Variants in ZNF566 observed in about 807,000 individuals in gnomAD.
ZNF566 encodes zinc finger protein 566.
In ZNF566, 27 loss-of-function variants were observed where a neutral mutation model predicts 32.8. The ratio of observed to expected loss-of-function variants is 0.82; its 90% CI spans 0.61 to 1.14. The LOEUF is 1.14. Ranked by LOEUF, ZNF566 falls within the 50% of genes most tolerant of loss-of-function variation. The probability of loss-of-function intolerance (pLI) is 0.00; values close to 1 mark genes in which losing one functional copy is unlikely to be tolerated. For missense variants in ZNF566, 402 were observed against 490.4 expected (o/e 0.82, Z 1.70); for synonymous variants, 154 against 159.5 (o/e 0.97, Z 0.26).
At chr19:36,470,932 G>A (rs963392392) in intron 4 of ZNF566, among the ~76,000 whole-genome samples, 6 of 151,302 alleles carry the variant, frequency 4.0e-5, no homozygotes, top group East Asian at 1.9e-4. Flanking sequence ...AAACATGGCC[G>A]GTGTGGTGGC....
At chr19:36,464,847 A>T (rs922738875) in intron 4 of ZNF566, among the ~76,000 whole-genome samples, 3 of 152,226 alleles carry the variant, frequency 2.0e-5, no homozygotes, top group Non-Finnish European at 4.4e-5. Context: ...TAAAGCATAC[A>T]GGAAAAAGAT....
At chr19:36,472,037 C>A (rs1191696928) in intron 4 of ZNF566, among the ~76,000 whole-genome samples, 1 of 152,174 alleles carries the variant, frequency 6.6e-6, no homozygotes. Context: ...AGCCACTGCA[C>A]CCAATCACGC....
intron 4 of ZNF566, among the ~76,000 whole-genome samples, chr19:36,463,660 G>A (rs1261149525): frequency 2.8e-4 from 42 of 148,854 alleles, no homozygotes; most frequent in African/African-American, 6.2e-4. Context: ...CTCATGCCTC[G>A]GACTCCCAAG....
intron 1 of ZNF566, among the ~76,000 whole-genome samples, chr19:36,480,131 G>GA (rs558512822): frequency 1.3e-5 from 2 of 151,552 alleles, no homozygotes; most frequent in Non-Finnish European, 1.5e-5. Context: ...GCTTGGAAAA[G>GA]AAAAAAAGTA....
chr19:36,480,278 A>ATTTTTT (rs972968387), intron 1 of ZNF566, among the ~76,000 whole-genome samples: 5 of 136,952 alleles, frequency 3.7e-5, no homozygotes, highest in Non-Finnish European at 8.2e-5. Flanking sequence ...ACTCCATGCA[A>ATTTTTT]TTTTTTTTTC....
chr19:36,455,229 C>T (rs2033269777), intron 4 of ZNF566, among the ~76,000 whole-genome samples: 1 of 152,070 alleles, frequency 6.6e-6, no homozygotes, highest in Non-Finnish European at 1.5e-5. Flanking sequence ...TAATAAAGGC[C>T]ATATATGACA....
intron 4 of ZNF566, among the ~76,000 whole-genome samples, chr19:36,467,924 G>A (rs1000940792): frequency 2.7e-5 from 4 of 150,672 alleles, no homozygotes; most frequent in African/African-American, 7.4e-5. Context: ...GGTGGCTCAC[G>A]CCTGTAATCC....
At chr19:36,468,545 G>C (rs1180983774) in intron 4 of ZNF566, among the ~76,000 whole-genome samples, 1 of 151,756 alleles carries the variant, frequency 6.6e-6, no homozygotes, top group Non-Finnish European at 1.5e-5. Flanking sequence ...GGCAGAAGTT[G>C]CAGTGAACCC....
At chr19:36,456,078 G>C (rs1228369359) in intron 4 of ZNF566, among the ~76,000 whole-genome samples, 1 of 151,876 alleles carries the variant, frequency 6.6e-6, no homozygotes, top group East Asian at 1.9e-4. Flanking sequence ...TGTGTATTCA[G>C]TAAGATACAA....
Position 36,445,454 on chromosome 19 carries a change from GCACTC to G in ZNF566, c.*3518_*3522del, listed in dbSNP as rs1427024760. 6.6e-6 allele frequency: 1 copy of G among 152,162 alleles called. No individual in the cohort carries two copies. The highest frequency in any genetic ancestry group is 2.4e-5 in the African/African-American group (1 of 41,426). The allele number at this position is 152,162 out of a possible 1,614,324, so 9.4% of individuals were successfully genotyped here. The stretch of plus-strand genomic sequence containing the variant: ...CACAGAATCACATATATGAAAAACT[GCACTC>G]CACTCCTTTATTCTCTTGCCCTCTG... On this transcript the variant is annotated 3_prime_UTR_variant, in exon 5 of 5. Coordinates refer to ENST00000452939, the MANE Select transcript of ZNF566 (RefSeq NM_001145344.1).
At position 36,448,436 on chromosome 19, in the gene ZNF566, A is replaced by C. The variant is rs2033049419; in HGVS notation, c.*541T>G. On this transcript the variant is annotated 3_prime_UTR_variant, in exon 5 of 5. Coordinates refer to ENST00000452939, the MANE Select transcript of ZNF566 (RefSeq NM_001145344.1). ...AATGTCGTTCATGAACATTTTTACA[A>C]TAAGAAAGCCTTAATGTTATAAAGA... The C allele has an allele frequency of 6.6e-6, 1 of 152,212 alleles. No individual in the cohort carries two copies. The highest frequency in any genetic ancestry group is 2.4e-5 in the African/African-American group (1 of 41,460). The allele number at this position is 152,212 out of a possible 1,614,324, so 9.4% of individuals were successfully genotyped here. A position where few individuals can be genotyped will look rare whatever the true frequency, so the allele number is the denominator to read the frequency against.
rs2145628145 is a variant in ZNF566 at position 36,448,861 on chromosome 19, T to C, written c.*116A>G. ...TATTTTTCCCAGGCTGAATAAGCTG[T>C]AGTCCACAAATAAAATGTTTCTACA... On this transcript the variant is annotated 3_prime_UTR_variant, in exon 5 of 5. Coordinates refer to ENST00000452939, the MANE Select transcript of ZNF566 (RefSeq NM_001145344.1). 2 of 863,576 alleles carry C rather than the reference T, an allele frequency of 2.3e-6. No individual in the cohort carries two copies. The highest frequency in any genetic ancestry group is 2.8e-5 in the East Asian group (1 of 36,172). 53.5% of individuals were successfully genotyped at this position (863,576 alleles called of 1,614,324 possible). A position where few individuals can be genotyped will look rare whatever the true frequency, so the allele number is the denominator to read the frequency against.
intron 4 of ZNF566, among the ~76,000 whole-genome samples, chr19:36,454,898 G>A (rs902614286): frequency 6.6e-6 from 1 of 152,104 alleles, no homozygotes; most frequent in African/African-American, 2.4e-5. Context: ...GTATTACCCT[G>A]ATACCAAAAC....
At chr19:36,477,687 C>G (rs1269406122) in intron 1 of ZNF566, among the ~76,000 whole-genome samples, 1 of 151,348 alleles carries the variant, frequency 6.6e-6, no homozygotes, top group Non-Finnish European at 1.5e-5. Context: ...TACAGGCTCC[C>G]GCCACCACGC....
chr19:36,466,054 G>T (rs1395968659), intron 4 of ZNF566, among the ~76,000 whole-genome samples: 1 of 146,738 alleles, frequency 6.8e-6, no homozygotes, highest in African/African-American at 2.5e-5. Flanking sequence ...TCCTATCACT[G>T]AAAAAAAAAA....
chr19:36,469,277 G>T (rs148944080), intron 4 of ZNF566, among the ~76,000 whole-genome samples: 1 of 152,008 alleles, frequency 6.6e-6, no homozygotes, highest in Admixed American at 6.5e-5. Flanking sequence ...GGTGGCTTAC[G>T]CCTGCAATCC....
At chr19:36,473,262 A>T in intron 3 of ZNF566, 70 bp downstream of exon 3, 2 of 1,564,388 alleles carry the variant, frequency 1.3e-6, no homozygotes, top group Non-Finnish European at 1.8e-6. Context: ...AAGCCAGGTG[A>T]GCATTTCACA....
In ZNF566 at chr19:36,476,858, T is replaced by C. The variant is rs555782504; in HGVS notation, c.-59-242A>G. On this transcript the variant is annotated intron_variant, in intron 1 of 4. Coordinates refer to ENST00000452939, the MANE Select transcript of ZNF566 (RefSeq NM_001145344.1). ...TTATATACACACACATACATACATA[T>C]AGATTTTTTTAACTCATATTATACA... 3.1e-3 allele frequency among the ~76,000 whole-genome samples: 470 copies of C among 152,254 alleles called. 4 individuals are homozygous for C. Among genetic ancestry groups the C allele is most frequent in the Non-Finnish European group, 4.1e-3 (281 of 68,022 alleles).
At chr19:36,473,504 T>C in intron 2 of ZNF566, 46 bp from the exon 3 acceptor site, 1 of 1,492,684 alleles carries the variant, frequency 6.7e-7, no homozygotes, top group South Asian at 1.4e-5. Flanking sequence ...TTTTAAAAAG[T>C]ACTTTTGTGA....
Sources: gnomAD v4.1 joint callset for allele counts (sites outside exome capture counted in the v4.1 genomes callset) on GRCh38, gnomAD v4.1.1 for gene constraint, MANE v1.5 for transcripts, NCBI Gene and HGNC (gene_info 2026-07-23, HGNC 2026-07-21) for gene names.